Variants in THSD7B observed in about 807,000 individuals in gnomAD.
THSD7B encodes the protein thrombospondin type-1 domain-containing protein 7B.
Under a neutral mutation model 213.6 loss-of-function variants are expected in THSD7B, and 138 were observed. That is an observed-to-expected ratio of 0.65 (90% CI 0.56 to 0.74). The LOEUF is 0.74. THSD7B is among the 30% of genes least tolerant of loss of function. The pLI, the probability that THSD7B is intolerant of heterozygous loss-of-function variation, is 0.00. For synonymous variants in THSD7B, 742 were observed against 687.0 expected (o/e 1.08, Z -1.25); for missense variants, 1,931 against 1,991.5 (o/e 0.97, Z 0.58).
At chr2:137,315,462 C>A (rs1034622448) in intron 12 of THSD7B, among the ~76,000 whole-genome samples, 1 of 152,126 alleles carries the variant, frequency 6.6e-6, no homozygotes, top group African/African-American at 2.4e-5. Flanking sequence ...AGAAATCACC[C>A]GTCTTCTGCG....
chr2:137,488,200 A>G (rs551849995), intron 15 of THSD7B, among the ~76,000 whole-genome samples: 3 of 152,290 alleles, frequency 2.0e-5, no homozygotes, highest in African/African-American at 4.8e-5. Context: ...AACTGATACT[A>G]GTTTTTATAA....
chr2:137,182,286 C>T (rs1380163722), intron 7 of THSD7B, among the ~76,000 whole-genome samples: 10 of 152,148 alleles, frequency 6.6e-5, no homozygotes, highest in Admixed American at 5.2e-4. Flanking sequence ...TTATCACAGG[C>T]GCAGCTGAGA....
chr2:136,998,313 C>T (rs775461786), intron 2 of THSD7B, among the ~76,000 whole-genome samples: 4 of 149,388 alleles, frequency 2.7e-5, no homozygotes, highest in Non-Finnish European at 5.9e-5. Context: ...AGACAAGACA[C>T]CTTTATTAGC....
intron 14 of THSD7B, among the ~76,000 whole-genome samples, chr2:137,430,061 A>G (rs1287060142): frequency 6.6e-6 from 1 of 151,850 alleles, no homozygotes; most frequent in Non-Finnish European, 1.5e-5. Context: ...TGGGCAACAT[A>G]AGGAGACCCC....
intron 15 of THSD7B, among the ~76,000 whole-genome samples, chr2:137,547,919 T>C (rs1452152136): frequency 6.6e-6 from 1 of 151,974 alleles, no homozygotes; most frequent in Non-Finnish European, 1.5e-5. Context: ...TTACCAGTTA[T>C]GGGCTTTCCT....
At chr2:137,315,474 C>T (rs554729937) in intron 12 of THSD7B, among the ~76,000 whole-genome samples, 18 of 152,264 alleles carry the variant, frequency 1.2e-4, no homozygotes, top group Admixed American at 4.6e-4. Flanking sequence ...TCTTCTGCGT[C>T]GCTCATGCTG....
chr2:137,203,269 C>T (rs1017552996), intron 7 of THSD7B, among the ~76,000 whole-genome samples: 2 of 151,940 alleles, frequency 1.3e-5, no homozygotes, highest in Non-Finnish European at 2.9e-5. Context: ...GAACTCTTAT[C>T]TTCCTTAATG....
chr2:136,944,095 T>G (rs1462234777), intron 2 of THSD7B, among the ~76,000 whole-genome samples: 1 of 152,242 alleles, frequency 6.6e-6, no homozygotes, highest in Non-Finnish European at 1.5e-5. Flanking sequence ...TTGTTCTTAT[T>G]GGTTTCAAAA....
chr2:136,948,624 A>G (rs919023843), intron 2 of THSD7B, among the ~76,000 whole-genome samples: 2 of 152,218 alleles, frequency 1.3e-5, no homozygotes, highest in African/African-American at 4.8e-5. Context: ...GTATTTATAT[A>G]CATATGTAAG....
At chr2:136,947,715 A>G (rs1684969049) in intron 2 of THSD7B, among the ~76,000 whole-genome samples, 1 of 152,244 alleles carries the variant, frequency 6.6e-6, no homozygotes, top group Non-Finnish European at 1.5e-5. Context: ...TAAGGTGCAT[A>G]TAAAGTAGGT....
intron 12 of THSD7B, among the ~76,000 whole-genome samples, chr2:137,282,554 T>C (rs997122481): frequency 5.9e-5 from 9 of 152,230 alleles, no homozygotes; most frequent in Admixed American, 2.6e-4. Context: ...CATTTAAGTC[T>C]TTAATCAATC....
intron 7 of THSD7B, among the ~76,000 whole-genome samples, chr2:137,216,991 T>A (rs562890193): frequency 6.6e-6 from 1 of 152,326 alleles, no homozygotes; most frequent in South Asian, 2.1e-4. Flanking sequence ...CTCTTGGCAC[T>A]TTCAGTCATC....
At chr2:137,257,698 G>A (rs1250381824) in intron 10 of THSD7B, among the ~76,000 whole-genome samples, 2 of 152,176 alleles carry the variant, frequency 1.3e-5, no homozygotes, top group African/African-American at 4.8e-5. Context: ...TCCAGGCCAG[G>A]ATCCTAACTG....
intron 15 of THSD7B, among the ~76,000 whole-genome samples, chr2:137,522,888 G>A (rs1375360): frequency 0.29 from 43,580 of 152,100 alleles, 6,805 homozygotes; most frequent in African/African-American, 0.41. Context: ...TTGCATTCAA[G>A]CTAGTTGTTT....
intron 7 of THSD7B, among the ~76,000 whole-genome samples, chr2:137,178,104 G>GGTCCTA (rs1680392921): frequency 6.7e-6 from 1 of 148,270 alleles, no homozygotes; most frequent in African/African-American, 2.5e-5. Flanking sequence ...TAGTAGTATT[G>GGTCCTA]GTCCTAATCT....
chr2:137,044,758 C>A (rs1214726206), intron 2 of THSD7B, among the ~76,000 whole-genome samples: 1 of 152,090 alleles, frequency 6.6e-6, no homozygotes, highest in Non-Finnish European at 1.5e-5. Context: ...TGATGTGGAT[C>A]CTAAAATTAA....
At chr2:137,504,983 A>G (rs1679801569) in intron 15 of THSD7B, among the ~76,000 whole-genome samples, 1 of 150,568 alleles carries the variant, frequency 6.6e-6, no homozygotes, top group Non-Finnish European at 1.5e-5. Flanking sequence ...GAAGGGAGGA[A>G]TGGAGGAAAG....
At chr2:136,909,244 A>G (rs956614505) in intron 2 of THSD7B, among the ~76,000 whole-genome samples, 2 of 152,114 alleles carry the variant, frequency 1.3e-5, no homozygotes, top group Admixed American at 6.5e-5. Context: ...TATAACACCC[A>G]AGGCAAGGAC....
intron 6 of THSD7B, among the ~76,000 whole-genome samples, chr2:137,170,032 G>A (rs1046815425): frequency 1.3e-5 from 2 of 152,010 alleles, no homozygotes; most frequent in Non-Finnish European, 2.9e-5. Context: ...CATTTGCCTC[G>A]ATGTGTACCT....
Sources: gnomAD v4.1 joint callset for allele counts (sites outside exome capture counted in the v4.1 genomes callset) on GRCh38, gnomAD v4.1.1 for gene constraint, MANE v1.5 for transcripts, NCBI Gene and HGNC (gene_info 2026-07-23, HGNC 2026-07-21) for gene names.